The following CDH8 variants were observed in gnomAD, a reference collection of about 807,000 sequenced individuals.
CDH8 encodes the protein cadherin-8.
Under a neutral mutation model 68.1 loss-of-function variants are expected in CDH8, and 17 were observed. The observed-to-expected ratio is 0.25, with a 90% CI of 0.17 to 0.37. The LOEUF is 0.37. Ranked by LOEUF, CDH8 falls within the 10% of genes least tolerant of loss-of-function variation. CDH8 has a pLI of 1.00. For missense variants in CDH8, 763 were observed against 999.3 expected (o/e 0.76, Z 3.19); for synonymous variants, 372 against 365.1 (o/e 1.02, Z -0.21).
chr16:61,878,226 T>C (rs1054491683), intron 3 of CDH8, among the ~76,000 whole-genome samples: 1 of 152,226 alleles, frequency 6.6e-6, no homozygotes, highest in Admixed American at 6.5e-5. Context: ...TATGACCAAA[T>C]AGAAGAAGTA....
At chr16:61,801,198 A>G (rs191990581) in intron 7 of CDH8, among the ~76,000 whole-genome samples, 1 of 152,300 alleles carries the variant, frequency 6.6e-6, no homozygotes, top group Admixed American at 6.5e-5. Flanking sequence ...ACCTTAGATC[A>G]CTAGTTTTAA....
At chr16:61,816,778 C>T (rs1023433761) in intron 7 of CDH8, among the ~76,000 whole-genome samples, 4 of 151,556 alleles carry the variant, frequency 2.6e-5, no homozygotes, top group African/African-American at 4.9e-5. Context: ...AAAAAAAAAT[C>T]GAATGGAGCT....
At chr16:61,872,028 G>A (rs1597032266) in intron 3 of CDH8, among the ~76,000 whole-genome samples, 1 of 152,178 alleles carries the variant, frequency 6.6e-6, no homozygotes, top group East Asian at 1.9e-4. Flanking sequence ...AAGGAGCTGT[G>A]CTTATAATGC....
At chr16:61,679,021 T>C (rs553167613) in intron 10 of CDH8, among the ~76,000 whole-genome samples, 1 of 152,170 alleles carries the variant, frequency 6.6e-6, no homozygotes, top group African/African-American at 2.4e-5. Flanking sequence ...AAGGAAACAG[T>C]TGGACTGTAC....
chr16:62,027,632 G>A (rs1167227555), intron 1 of CDH8, among the ~76,000 whole-genome samples: 1 of 152,172 alleles, frequency 6.6e-6, no homozygotes, highest in Non-Finnish European at 1.5e-5. Context: ...TTCAAAACAG[G>A]TAAATGCACA....
intron 7 of CDH8, among the ~76,000 whole-genome samples, chr16:61,799,168 A>G (rs1475490445): frequency 6.6e-6 from 1 of 152,124 alleles, no homozygotes; most frequent in Non-Finnish European, 1.5e-5. Context: ...GGCAATCTAC[A>G]AGTGAAGAGA....
chr16:61,820,006 TGTAG>T (rs1962172008), intron 6 of CDH8, among the ~76,000 whole-genome samples: 1 of 152,118 alleles, frequency 6.6e-6, no homozygotes, highest in African/African-American at 2.4e-5. Context: ...TTCTTATGAG[TGTAG>T]GTATTATGAT....
chr16:61,759,078 C>T (rs1275749550), intron 8 of CDH8, among the ~76,000 whole-genome samples: 1 of 152,072 alleles, frequency 6.6e-6, no homozygotes, highest in African/African-American at 2.4e-5. Flanking sequence ...CAGCATTGAC[C>T]ACAGCAGATT....
intron 2 of CDH8, among the ~76,000 whole-genome samples, chr16:61,930,885 C>T (rs913622091): frequency 5.3e-5 from 8 of 152,176 alleles, no homozygotes; most frequent in African/African-American, 1.7e-4. Flanking sequence ...CGAAATTCCT[C>T]GTGTTATTCT....
intron 2 of CDH8, among the ~76,000 whole-genome samples, chr16:61,974,701 G>A (rs1412966364): frequency 6.6e-6 from 1 of 152,100 alleles, no homozygotes; most frequent in East Asian, 1.9e-4. Context: ...TTTTGTTTCA[G>A]CGTCTTAAGT....
Position 61,985,739 on chromosome 16 carries a change from C to T in CDH8, c.252+35413G>A, listed in dbSNP as rs534551063. Among the ~76,000 whole-genome samples the T allele has an allele frequency of 3.3e-4, 50 of 151,002 alleles. No individual in the cohort carries two copies. In the South Asian group the frequency reaches 6.1e-3, roughly 18 times the overall value. ...AACTCCTGACCTAAGGTGATCTGCC[C>T]GCCTCGGCCTCCCAAAATGCTGGGA... On this transcript the variant is annotated intron_variant, in intron 2 of 11. Coordinates refer to ENST00000577390, the MANE Select transcript of CDH8 (RefSeq NM_001796.5).
chr16:61,821,454 T>A (rs1475790383), intron 5 of CDH8, among the ~76,000 whole-genome samples: 1 of 152,062 alleles, frequency 6.6e-6, no homozygotes, highest in Non-Finnish European at 1.5e-5. Context: ...TGCTGTATAA[T>A]CACATTTACT....
intron 2 of CDH8, among the ~76,000 whole-genome samples, chr16:61,922,408 C>G (rs1964384582): frequency 6.6e-6 from 1 of 152,050 alleles, no homozygotes; most frequent in Non-Finnish European, 1.5e-5. Flanking sequence ...AAATAAAACA[C>G]TCCACCCAGA....
intron 2 of CDH8, among the ~76,000 whole-genome samples, chr16:61,937,504 C>T (rs868156067): frequency 6.6e-6 from 1 of 152,198 alleles, no homozygotes; most frequent in Non-Finnish European, 1.5e-5. Context: ...TGTTTACTAT[C>T]TGTTCCTTCC....
chr16:61,978,239 A>T, intron 2 of CDH8, among the ~76,000 whole-genome samples: 1 of 152,232 alleles, frequency 6.6e-6, no homozygotes, highest in African/African-American at 2.4e-5. Context: ...CATTATGGGT[A>T]TGCATTTGTG....
chr16:61,689,017 A>G (rs756564287), intron 10 of CDH8, among the ~76,000 whole-genome samples: 1 of 152,052 alleles, frequency 6.6e-6, no homozygotes, highest in Non-Finnish European at 1.5e-5. Flanking sequence ...CACATTTCAA[A>G]TATCTGTAAT....
At chr16:61,990,950 G>A (rs1446480171) in intron 2 of CDH8, among the ~76,000 whole-genome samples, 1 of 150,666 alleles carries the variant, frequency 6.6e-6, no homozygotes, top group Non-Finnish European at 1.5e-5. Flanking sequence ...AACAGAGAGA[G>A]AGAAAAAAGA....
In CDH8 at chr16:61,739,901, A is replaced by G. The variant is rs560180392; in HGVS notation, c.1415-12686T>C. On this transcript the variant is annotated intron_variant, in intron 8 of 11. Transcript: ENST00000577390. The stretch of plus-strand genomic sequence containing the variant: ...ACATATTCCATATATATATATATAT[A>G]TATATATATATGTATTTTTTTTTTT... 2.5e-3 allele frequency among the ~76,000 whole-genome samples: 222 copies of G among 90,412 alleles called. 8 individuals carry two copies. Among genetic ancestry groups the G allele is most frequent in the Admixed American group, 1.9e-3 (16 of 8,512 alleles). 59.3% of individuals were successfully genotyped at this position (90,412 alleles called of 152,430 possible).
chr16:61,981,596 G>A (rs538204595), intron 2 of CDH8, among the ~76,000 whole-genome samples: 3 of 152,252 alleles, frequency 2.0e-5, no homozygotes, highest in African/African-American at 7.2e-5. Flanking sequence ...TTACCAGGGA[G>A]GCAGAAAAGT....
Sources: gnomAD v4.1 joint callset for allele counts (sites outside exome capture counted in the v4.1 genomes callset) on GRCh38, gnomAD v4.1.1 for gene constraint, MANE v1.5 for transcripts, NCBI Gene and HGNC (gene_info 2026-07-23, HGNC 2026-07-21) for gene names.